Variants in DLC1 observed in about 807,000 individuals in gnomAD.
DLC1 encodes DLC1 Rho GTPase activating protein, also known as rho GTPase-activating protein 7.
In DLC1, 54 loss-of-function variants were observed where a neutral mutation model predicts 140.3. The observed-to-expected ratio is 0.38, with a 90% confidence interval of 0.31 to 0.48. The LOEUF (loss-of-function observed/expected upper bound fraction) is 0.48, where lower values mean the gene tolerates loss of function less well. DLC1 is among the 20% of genes least tolerant of loss of function. The pLI is 0.96. For missense variants in DLC1, 2,536 were observed against 1,907.0 expected, an observed-to-expected ratio of 1.33 and a Z score of -6.14; for synonymous variants, 986 against 728.1, an observed-to-expected ratio of 1.35 and a Z score of -5.70.
chr8:13,503,128 G>T (rs993813585), intron 1 of DLC1, among the ~76,000 whole-genome samples: 2 of 152,160 alleles, frequency 1.3e-5, no homozygotes, highest in East Asian at 1.9e-4. Context: ...AAAATTACTG[G>T]GCATGATGGC....
rs71207139 is a variant in DLC1, at chr8:13,312,386, A to AAAAAAAAATAAT, written c.1315-7085_1315-7084insATTATTTTTTTT. 8.2e-4 allele frequency among the ~76,000 whole-genome samples: 67 copies of AAAAAAAAATAAT among 81,680 alleles called. 2 individuals carry two copies. The highest frequency in any genetic ancestry group is 7.7e-3 in the South Asian group (17 of 2,200). 53.6% of individuals were successfully genotyped at this position (81,680 alleles called of 152,430 possible). A position where few individuals can be genotyped will look rare whatever the true frequency, so the allele number is the denominator to read the frequency against. ...AAAAAAAAAAAAAAAAAAAAAAAAA[A>AAAAAAAAATAAT]AATAATTTCTTTAGCAAGCTAGATA... On this transcript the variant is annotated intron_variant, in intron 4 of 17. Transcript: ENST00000276297.
intron 7 of DLC1, among the ~76,000 whole-genome samples, chr8:13,107,286 T>C (rs189033502): frequency 6.6e-6 from 1 of 152,218 alleles, no homozygotes; most frequent in Non-Finnish European, 1.5e-5. Context: ...AAGAAGCTCC[T>C]ACTTACTTCT....
At chr8:13,379,848 A>T (rs947531716) in intron 4 of DLC1, among the ~76,000 whole-genome samples, 2 of 152,178 alleles carry the variant, frequency 1.3e-5, no homozygotes, top group Non-Finnish European at 2.9e-5. Flanking sequence ...CTTTGCAGGG[A>T]CATCGATGAA....
intron 2 of DLC1, among the ~76,000 whole-genome samples, chr8:13,488,157 A>G (rs1383608450): frequency 6.6e-6 from 1 of 152,210 alleles, no homozygotes; most frequent in Non-Finnish European, 1.5e-5. Flanking sequence ...TAACTGTTCA[A>G]AACTATATAA....
rs1056583874 is a variant in DLC1 at position 13,100,553 on chromosome 8, C to T, written c.1784G>A (p.Arg595His). ...LSERQEVSSV[R>H]SLSSTGSLPS... ...GAGGCTGCCAGTGCTGCTGAGGCTGCGGACGGAAGACACCTCCTGGCGCTC... is the reference window on the plus strand; with the variant it reads ...GAGGCTGCCAGTGCTGCTGAGGCTGTGGACGGAAGACACCTCCTGGCGCTC... Residue 595 changes from arginine to histidine, a missense_variant, in exon 9 of 18, where the codon CGC (arginine) becomes CAC (histidine). Physicochemically the swap from Arg to His is conservative, Grantham distance 29 (BLOSUM62 0). Transcript: ENST00000276297. 3.1e-6 allele frequency: 5 copies of T among 1,613,028 alleles called. No individual in the cohort carries two copies. Among genetic ancestry groups the T allele is most frequent in the South Asian group, 2.2e-5 (2 of 91,028 alleles).
intron 4 of DLC1, among the ~76,000 whole-genome samples, chr8:13,382,460 A>T (rs554550423): frequency 8.1e-6 from 1 of 124,028 alleles, no homozygotes; most frequent in East Asian, 2.8e-4. Context: ...GTGAGCCGAG[A>T]TTGCGCCACT....
intron 2 of DLC1, among the ~76,000 whole-genome samples, chr8:13,441,933 C>T (rs1448556497): frequency 6.6e-6 from 1 of 152,210 alleles, no homozygotes; most frequent in Non-Finnish European, 1.5e-5. Flanking sequence ...CTGGAGGCAT[C>T]ACACTATTTG....
chr8:13,123,668 C>T (rs1205350305), intron 5 of DLC1, among the ~76,000 whole-genome samples: 1 of 152,098 alleles, frequency 6.6e-6, no homozygotes, highest in Non-Finnish European at 1.5e-5. Flanking sequence ...CCCTCTTTTC[C>T]TGTTTTATTT....
At chr8:13,264,063 T>TATTTATTTATTTATTTATTG (rs1395172182) in intron 5 of DLC1, among the ~76,000 whole-genome samples, 1 of 150,314 alleles carries the variant, frequency 6.7e-6, no homozygotes, top group Non-Finnish European at 1.5e-5. Flanking sequence ...TTTATTTATT[T>TATTTATTTATTTATTTATTG]ATTTATTTAT....
At position 13,250,654 on chromosome 8, in the gene DLC1, G is replaced by C. The variant is rs76492919; in HGVS notation, c.1348+54615C>G. 8.4e-3 allele frequency among the ~76,000 whole-genome samples: 1,275 copies of C among 152,232 alleles called. 14 individuals are homozygous for C. The highest frequency in any genetic ancestry group is 0.038 in the South Asian group (184 of 4,814). ...AAATTTAATACTATAAGAAAGTTCA[G>C]TGCATTGCTGTGTAAGTCTACTGGG... On this transcript the variant is annotated intron_variant, in intron 5 of 17. Coordinates refer to ENST00000276297, the MANE Select transcript of DLC1 (RefSeq NM_182643.3).
chr8:13,463,743 C>A (rs1314356168), intron 2 of DLC1, among the ~76,000 whole-genome samples: 1 of 152,158 alleles, frequency 6.6e-6, no homozygotes, highest in Non-Finnish European at 1.5e-5. Context: ...AGGAACCTGA[C>A]TTTTTGCCGG....
At chr8:13,367,437 A>T (rs1377532765) in intron 4 of DLC1, among the ~76,000 whole-genome samples, 1 of 152,300 alleles carries the variant, frequency 6.6e-6, no homozygotes, top group Admixed American at 6.5e-5. Flanking sequence ...CTCAATCGTC[A>T]TTAGGGGGCC....
chr8:13,543,373 A>G (rs973596095), intron 1 of DLC1, among the ~76,000 whole-genome samples: 12 of 152,214 alleles, frequency 7.9e-5, no homozygotes, highest in Non-Finnish European at 1.3e-4. Context: ...TAGTGCAGTC[A>G]TCTGGTAAAG....
intron 5 of DLC1, among the ~76,000 whole-genome samples, chr8:13,161,229 G>A (rs954025808): frequency 1.1e-4 from 17 of 152,194 alleles, no homozygotes; most frequent in Non-Finnish European, 1.6e-4. Context: ...AAGGCGTGCA[G>A]GAACAACAGG....
At chr8:13,161,198 A>G (rs1210941410) in intron 5 of DLC1, among the ~76,000 whole-genome samples, 2 of 152,232 alleles carry the variant, frequency 1.3e-5, no homozygotes, top group African/African-American at 2.4e-5. Flanking sequence ...GTCTACGTGA[A>G]GCAGAAATGA....
chr8:13,471,202 G>T (rs1189076123), intron 2 of DLC1, among the ~76,000 whole-genome samples: 1 of 151,764 alleles, frequency 6.6e-6, no homozygotes, highest in Non-Finnish European at 1.5e-5. Context: ...AATTAGTCTG[G>T]ATGGATACTA....
At chr8:13,539,533 C>A (rs1252987896) in intron 1 of DLC1, among the ~76,000 whole-genome samples, 1 of 152,152 alleles carries the variant, frequency 6.6e-6, no homozygotes, top group Admixed American at 6.5e-5. Flanking sequence ...TAGAGCAAAC[C>A]AGCAAGCTGA....
At chr8:13,280,124 C>CA (rs59657810) in intron 5 of DLC1, among the ~76,000 whole-genome samples, 11,115 of 129,612 alleles carry the variant, frequency 0.086, 534 homozygotes, top group African/African-American at 0.14. Context: ...ACTAAAAATA[C>CA]AAAAAAAAAA....
chr8:13,416,505 G>A (rs1250382500), intron 2 of DLC1, among the ~76,000 whole-genome samples: 1 of 152,078 alleles, frequency 6.6e-6, no homozygotes, highest in Non-Finnish European at 1.5e-5. Context: ...TCAGGATGGT[G>A]GTTACCTATG....
Sources: allele counts gnomAD v4.1 joint callset (sites outside exome capture counted in the v4.1 genomes callset), GRCh38; gene constraint gnomAD v4.1.1; transcripts MANE v1.5; gene names NCBI Gene and HGNC (gene_info 2026-07-23, HGNC 2026-07-21).